DLG2: variants seen among roughly 807,000 people sequenced by gnomAD.
DLG2 encodes the protein discs large MAGUK scaffold protein 2, also known as disks large homolog 2.
A neutral mutation model predicts 132.5 loss-of-function variants in DLG2; 45 were observed. The ratio of observed to expected loss-of-function variants is 0.34; its 90% CI spans 0.27 to 0.44. The LOEUF is 0.44. Among genes scored for constraint, DLG2 ranks in the 20% least tolerant of loss-of-function variants. DLG2 has a pLI of 1.00. For synonymous variants in DLG2, 424 were observed against 419.6 expected, an observed-to-expected ratio of 1.01 and a Z score of -0.13; for missense variants, 1,045 against 1,196.9, an observed-to-expected ratio of 0.87 and a Z score of 1.87.
At chr11:84,274,368 T>C (rs4944475) in intron 7 of DLG2, among the ~76,000 whole-genome samples, 138,728 of 152,192 alleles carry the variant, frequency 0.91, 63,748 homozygotes, top group Non-Finnish European at 0.97. Flanking sequence ...TACTCAAGCA[T>C]GTCAAGAGGT....
chr11:83,475,873 T>G (rs1216256371), intron 22 of DLG2, among the ~76,000 whole-genome samples: 1 of 152,064 alleles, frequency 6.6e-6, no homozygotes, highest in Non-Finnish European at 1.5e-5. Flanking sequence ...AGGTACAAAC[T>G]ATTTCTTGGT....
intron 4 of DLG2, among the ~76,000 whole-genome samples, chr11:85,268,706 G>A (rs1039249817): frequency 6.6e-6 from 1 of 152,104 alleles, no homozygotes; most frequent in Non-Finnish European, 1.5e-5. Flanking sequence ...ACATTACAAG[G>A]ATAAATACTT....
intron 2 of DLG2, among the ~76,000 whole-genome samples, chr11:85,613,708 AGTAGGATGTGG>A (rs2081159673): frequency 6.6e-6 from 1 of 152,204 alleles, no homozygotes; most frequent in African/African-American, 2.4e-5. Flanking sequence ...TGGACCAATC[AGTAGGATGTGG>A]GTGGGGCCAA....
intron 6 of DLG2, among the ~76,000 whole-genome samples, chr11:84,668,778 T>C (rs186122302): frequency 6.6e-5 from 10 of 152,282 alleles, no homozygotes; most frequent in African/African-American, 1.7e-4. Flanking sequence ...CCACATCCAA[T>C]TGTTGAAAAA....
chr11:83,704,603 G>T (rs1024690344), intron 18 of DLG2, among the ~76,000 whole-genome samples: 2 of 149,944 alleles, frequency 1.3e-5, no homozygotes, highest in African/African-American at 4.9e-5. Flanking sequence ...GATCACCTGA[G>T]GTCAGGAGTT....
intron 6 of DLG2, among the ~76,000 whole-genome samples, chr11:84,830,089 G>A (rs970616763): frequency 1.3e-5 from 2 of 151,516 alleles, no homozygotes; most frequent in Non-Finnish European, 3.0e-5. Context: ...TTACTACCAT[G>A]TATTCAGAGC....
chr11:84,708,829 G>T (rs1285787039), intron 6 of DLG2, among the ~76,000 whole-genome samples: 1 of 151,802 alleles, frequency 6.6e-6, no homozygotes, highest in African/African-American at 2.4e-5. Flanking sequence ...ATTCAAAAAA[G>T]GTGTATTTAG....
chr11:84,668,852 A>G (rs1033387241), intron 6 of DLG2, among the ~76,000 whole-genome samples: 1 of 152,206 alleles, frequency 6.6e-6, no homozygotes, highest in Non-Finnish European at 1.5e-5. Flanking sequence ...AGAAGACACA[A>G]AACACTGTGC....
chr11:83,666,668 G>A (rs779759815), intron 18 of DLG2, among the ~76,000 whole-genome samples: 1 of 152,064 alleles, frequency 6.6e-6, no homozygotes, highest in African/African-American at 2.4e-5. Flanking sequence ...TGTTCCCTAC[G>A]TGGTTACCTC....
chr11:85,424,433 T>A (rs962945461), intron 3 of DLG2, among the ~76,000 whole-genome samples: 7 of 152,126 alleles, frequency 4.6e-5, no homozygotes, highest in Admixed American at 3.9e-4. Flanking sequence ...CTACCTCCCA[T>A]CCGCCATGAC....
At chr11:85,036,359 C>A (rs2061434136) in intron 6 of DLG2, among the ~76,000 whole-genome samples, 1 of 152,162 alleles carries the variant, frequency 6.6e-6, no homozygotes, top group Non-Finnish European at 1.5e-5. Context: ...CTCCCACCCC[C>A]ACTAGAATGT....
intron 15 of DLG2, among the ~76,000 whole-genome samples, chr11:83,898,320 A>G (rs1438902894): frequency 6.6e-6 from 1 of 152,158 alleles, no homozygotes; most frequent in African/African-American, 2.4e-5. Context: ...GGTAAATATA[A>G]GTTTCCATTA....
At chr11:83,468,591 C>T (rs1451444750) in intron 25 of DLG2, among the ~76,000 whole-genome samples, 2 of 152,134 alleles carry the variant, frequency 1.3e-5, no homozygotes, top group African/African-American at 4.8e-5. Flanking sequence ...ATATCTTCTC[C>T]TATGATACTG....
chr11:84,528,135 A>T (rs2099327238), intron 7 of DLG2, among the ~76,000 whole-genome samples: 1 of 152,194 alleles, frequency 6.6e-6, no homozygotes, highest in Non-Finnish European at 1.5e-5. Flanking sequence ...GCACTCAGTT[A>T]ATATTTATTG....
chr11:84,704,389 G>C (rs1265484756), intron 6 of DLG2, among the ~76,000 whole-genome samples: 1 of 151,522 alleles, frequency 6.6e-6, no homozygotes, highest in African/African-American at 2.4e-5. Context: ...TGAGTTTGAA[G>C]ACCAGCTTAG....
intron 6 of DLG2, among the ~76,000 whole-genome samples, chr11:84,803,989 T>C (rs539875619): frequency 1.3e-5 from 2 of 152,316 alleles, no homozygotes; most frequent in South Asian, 4.1e-4. Flanking sequence ...ATGTGAGAAT[T>C]AAATGACATG....
At chr11:84,197,977 T>C (rs747747463) in intron 8 of DLG2, among the ~76,000 whole-genome samples, 1 of 152,176 alleles carries the variant, frequency 6.6e-6, no homozygotes, top group Non-Finnish European at 1.5e-5. Context: ...CTTTAAAAAG[T>C]ATTTTTTTAA....
At chr11:85,232,718 T>C (rs1250669746) in intron 4 of DLG2, among the ~76,000 whole-genome samples, 2 of 151,972 alleles carry the variant, frequency 1.3e-5, no homozygotes, top group African/African-American at 4.8e-5. Context: ...ACTCTCACTG[T>C]TCTACTCTAA....
intron 6 of DLG2, among the ~76,000 whole-genome samples, chr11:84,903,888 T>C (rs985059505): frequency 5.9e-5 from 9 of 152,160 alleles, no homozygotes; most frequent in African/African-American, 2.2e-4. Context: ...ATCATTATTA[T>C]TCTTAATATG....
Sources: gnomAD v4.1 joint callset for allele counts (sites outside exome capture counted in the v4.1 genomes callset) on GRCh38, gnomAD v4.1.1 for gene constraint, MANE v1.5 for transcripts, NCBI Gene and HGNC (gene_info 2026-07-23, HGNC 2026-07-21) for gene names.